The following DCAF6 variants were observed in gnomAD, a reference collection of about 807,000 sequenced individuals.
The protein encoded by DCAF6 is DDB1 and CUL4 associated factor 6.
DCAF6 carries 54 observed loss-of-function variants against 125.1 expected under a neutral mutation model. That is an observed-to-expected ratio of 0.43 (90% CI 0.35 to 0.54). The LOEUF (loss-of-function observed/expected upper bound fraction) is 0.54, where lower values mean the gene tolerates loss of function less well. Among genes scored for constraint, DCAF6 ranks in the 20% least tolerant of loss-of-function variants. DCAF6 has a pLI of 0.01. For synonymous variants in DCAF6, 371 were observed against 390.4 expected, an observed-to-expected ratio of 0.95 and a Z score of 0.58; for missense variants, 934 against 1,161.7, an observed-to-expected ratio of 0.80 and a Z score of 2.85.
intron 6 of DCAF6, 132 bp downstream of exon 6, chr1:167,991,471 A>G: frequency 1.1e-6 from 1 of 882,708 alleles, no homozygotes; most frequent in Non-Finnish European, 1.6e-6. Flanking sequence ...ATGGATTATT[A>G]TAAAAAATAA....
At chr1:167,987,213 C>T (rs944574740) in intron 4 of DCAF6, among the ~76,000 whole-genome samples, 36 of 152,190 alleles carry the variant, frequency 2.4e-4, no homozygotes, top group Admixed American at 7.2e-4. Context: ...AATCATTCTT[C>T]CCTAGTTGTT....
intron 17 of DCAF6, chr1:168,056,536 T>G: frequency 2.2e-6 from 1 of 449,414 alleles, no homozygotes; most frequent in Non-Finnish European, 3.5e-6. Flanking sequence ...TCAATTTATT[T>G]TTGAATGGAA....
upstream of DCAF6, chr1:167,935,853 G>A: frequency 1.3e-6 from 2 of 1,544,922 alleles, no homozygotes; most frequent in Non-Finnish European, 1.8e-6. Context: ...GCCGCCGAGG[G>A]ATCGTTGGCA....
chr1:167,905,149 C>T, the DCAF6 span: 6 of 1,614,162 alleles, frequency 3.7e-6, no homozygotes, highest in Middle Eastern at 1.6e-4. Context: ...ATGTTCAAGA[C>T]AAATGTTCAG....
At chr1:168,009,295 G>A (rs893710952) in intron 10 of DCAF6, among the ~76,000 whole-genome samples, 2 of 151,530 alleles carry the variant, frequency 1.3e-5, no homozygotes, top group African/African-American at 4.8e-5. Context: ...ACTGTGCCCT[G>A]CCATTTTCTT....
intron 18 of DCAF6, among the ~76,000 whole-genome samples, chr1:168,064,408 A>C (rs1033160529): frequency 7.9e-5 from 12 of 152,128 alleles, no homozygotes; most frequent in Non-Finnish European, 1.8e-4. Flanking sequence ...TGTTCTCCTC[A>C]TATACATTGC....
chr1:167,895,771 G>A, the DCAF6 span, among the ~76,000 whole-genome samples: 1 of 152,188 alleles, frequency 6.6e-6, no homozygotes, highest in Non-Finnish European at 1.5e-5. Flanking sequence ...TTGTGATACA[G>A]TCTTCTCACT....
the DCAF6 span, chr1:167,896,752 G>A: frequency 3.4e-6 from 4 of 1,186,790 alleles, no homozygotes; most frequent in Non-Finnish European, 5.0e-6. Context: ...CCTTTGAAGT[G>A]TAATTTCTTA....
chr1:168,033,590 T>C (rs140861073), intron 12 of DCAF6, among the ~76,000 whole-genome samples: 4,420 of 152,270 alleles, frequency 0.029, 219 homozygotes, highest in African/African-American at 0.1. Context: ...GTGCTGGGAT[T>C]ACAGGTGTGA....
chr1:167,917,428 A>G, the DCAF6 span: 1 of 151,852 alleles, frequency 6.6e-6, no homozygotes, highest in African/African-American at 2.4e-5. Context: ...ACAAAACCCT[A>G]CCTCTACAAA....
At chr1:168,061,978 T>C (rs1691650686) in intron 17 of DCAF6, among the ~76,000 whole-genome samples, 1 of 152,060 alleles carries the variant, frequency 6.6e-6, no homozygotes, top group South Asian at 2.1e-4. Context: ...TAGCCTAATA[T>C]TAGTAATCAA....
chr1:167,899,387 G>T, the DCAF6 span: 3 of 1,605,856 alleles, frequency 1.9e-6, no homozygotes, highest in Admixed American at 1.7e-5. Context: ...GTTACAGGCT[G>T]GCAGAACTTT....
chr1:167,936,627 G>A (rs976867069), upstream of DCAF6: 10 of 368,040 alleles, frequency 2.7e-5, no homozygotes, highest in Admixed American at 4.7e-5. Flanking sequence ...CATCGCCTCC[G>A]CCTCCGCCTC....
At chr1:167,996,492 T>C (rs1681722464) in intron 7 of DCAF6, among the ~76,000 whole-genome samples, 1 of 152,206 alleles carries the variant, frequency 6.6e-6, no homozygotes, top group South Asian at 2.1e-4. Flanking sequence ...CCTTTGTAGT[T>C]GATTTTGCTA....
At chr1:167,969,066 C>T (rs775078479) in intron 3 of DCAF6, 3 of 151,856 alleles carry the variant, frequency 2.0e-5, no homozygotes, top group Non-Finnish European at 4.4e-5. Flanking sequence ...TTTTACCATT[C>T]TGACCAAGTT....
At chr1:167,904,041 A>G in the DCAF6 span, 2 of 1,220,662 alleles carry the variant, frequency 1.6e-6, no homozygotes. Context: ...GGAATCAAAC[A>G]GAGCCAGAAG....
intron 20 of DCAF6, 49 bp from the exon 21 acceptor site, chr1:168,068,309 A>C (rs1441225455): frequency 1.4e-6 from 2 of 1,380,244 alleles, no homozygotes; most frequent in Non-Finnish European, 1.0e-6. Flanking sequence ...TCAAGGAAAA[A>C]ATACAGTTAC....
chr1:168,007,891 C>A (rs1240300593), intron 10 of DCAF6, among the ~76,000 whole-genome samples: 1 of 150,752 alleles, frequency 6.6e-6, no homozygotes, highest in Non-Finnish European at 1.5e-5. Flanking sequence ...ATCTTCTACC[C>A]TGAATTCCAG....
At chr1:168,030,952 G>A (rs1687009393) in intron 12 of DCAF6, among the ~76,000 whole-genome samples, 1 of 152,204 alleles carries the variant, frequency 6.6e-6, no homozygotes, top group African/African-American at 2.4e-5. Flanking sequence ...CTGGAAAAGG[G>A]ATGAAGCATG....
Sources: gnomAD v4.1 joint callset for allele counts (sites outside exome capture counted in the v4.1 genomes callset) on GRCh38, gnomAD v4.1.1 for gene constraint, MANE v1.5 for transcripts, NCBI Gene and HGNC (gene_info 2026-07-23, HGNC 2026-07-21) for gene names.